Variants in JMJD1C observed in about 807,000 individuals in gnomAD.
The protein encoded by JMJD1C is jumonji domain-containing protein 1C.
A neutral mutation model predicts 245.3 loss-of-function variants in JMJD1C; 31 were observed. That is an observed-to-expected ratio of 0.13 (90% CI 0.09 to 0.17). The LOEUF is 0.17. Ranked by LOEUF, JMJD1C falls within the 10% of genes least tolerant of loss-of-function variation. JMJD1C has a pLI of 1.00. For missense variants in JMJD1C, 2,691 were observed against 3,000.2 expected (o/e 0.90, Z 2.41); for synonymous variants, 1,057 against 1,017.4 (o/e 1.04, Z -0.74).
At chr10:63,305,032 G>C (rs760485073) in intron 2 of JMJD1C, among the ~76,000 whole-genome samples, 1 of 152,138 alleles carries the variant, frequency 6.6e-6, no homozygotes, top group Non-Finnish European at 1.5e-5. Context: ...CCAGTGACTC[G>C]GGAGGCTGAG....
Position 63,321,355 on chromosome 10 carries a change from C to T in JMJD1C, c.334-56591G>A, listed in dbSNP as rs139912187. Reference sequence around the variant, plus strand: ...GCTCAGTCAGAAGTATAGGTGACAACCTACTACTTGCGATTGTCATCTGAA... The same window carrying T: ...GCTCAGTCAGAAGTATAGGTGACAATCTACTACTTGCGATTGTCATCTGAA... On this transcript the variant is annotated intron_variant, in intron 2 of 25. Transcript: ENST00000399262. Among the ~76,000 whole-genome samples the T allele has an allele frequency of 8.3e-3, 1,265 of 152,306 alleles. 6 individuals are homozygous for T. The highest frequency in any genetic ancestry group is 0.044 in the Middle Eastern group (13 of 294).
intron 2 of JMJD1C, among the ~76,000 whole-genome samples, chr10:63,275,936 TA>T (rs1856730184): frequency 6.6e-6 from 1 of 152,168 alleles, no homozygotes; most frequent in Non-Finnish European, 1.5e-5. Flanking sequence ...TTTAACGACT[TA>T]AAAAACAGGC....
rs575565891 is a variant in JMJD1C, at chr10:63,325,640, A to G, written c.333+54678T>C. On this transcript the variant is annotated intron_variant, in intron 2 of 25. Coordinates refer to ENST00000399262, the MANE Select transcript of JMJD1C (RefSeq NM_032776.3). ...AAAAGGAGTAAATACAACTGATTAG[A>G]TATCTAATTACTAAATTCAATTACA... Among the ~76,000 whole-genome samples, 499 of 151,380 alleles carry G rather than the reference A, an allele frequency of 3.3e-3. 1 individual carries two copies. Among genetic ancestry groups the G allele is most frequent in the Non-Finnish European group, 5.6e-3 (380 of 67,406 alleles).
chr10:63,270,369 A>G (rs1486397308), intron 2 of JMJD1C, among the ~76,000 whole-genome samples: 1 of 151,712 alleles, frequency 6.6e-6, no homozygotes, highest in Non-Finnish European at 1.5e-5. Flanking sequence ...GTCTCACCAC[A>G]TTGGCCAGGC....
rs1469528459 is a variant in JMJD1C, at chr10:63,215,533, A to T, written c.822+20T>A. ...AAGGAAAAATATTTTACAGAAATTC[A>T]TCCCTAATAACATACATACGTGAAC... On this transcript the variant is annotated intron_variant, in intron 6 of 25. Coordinates refer to ENST00000399262, the MANE Select transcript of JMJD1C (RefSeq NM_032776.3). 1.2e-6 allele frequency: 2 copies of T among 1,607,630 alleles called. No homozygotes were observed. The highest frequency in any genetic ancestry group is 2.2e-5 in the South Asian group (2 of 90,910).
chr10:63,280,243 T>G (rs1174144103), intron 2 of JMJD1C, among the ~76,000 whole-genome samples: 5 of 151,340 alleles, frequency 3.3e-5, no homozygotes, highest in African/African-American at 1.2e-4. Flanking sequence ...AATAAATATG[T>G]ACGATTATTT....
At chr10:63,219,115 C>A (rs1232751843) in intron 4 of JMJD1C, among the ~76,000 whole-genome samples, 1 of 152,042 alleles carries the variant, frequency 6.6e-6, no homozygotes, top group Non-Finnish European at 1.5e-5. Context: ...GTTTGAAATT[C>A]TCCACAGAAA....
chr10:63,186,944 G>A (rs558230536), intron 18 of JMJD1C, among the ~76,000 whole-genome samples: 1 of 152,142 alleles, frequency 6.6e-6, no homozygotes, highest in South Asian at 2.1e-4. Flanking sequence ...TGTAGTCCCA[G>A]CTCCCAAGGC....
chr10:63,214,406 A>T lies in JMJD1C; in HGVS notation c.1761T>A (p.Asp587Glu), dbSNP rs1847721140. ...SSVTNASSGNDHLNMEKEKYV... is the reference protein window; with the variant it reads ...SSVTNASSGNEHLNMEKEKYV... ...ACTTCTCTTTTTCCATGTTCAAGTG[A>T]TCATTTCCTGAAGAAGCATTTGTAA... The change falls in exon 8 of 26, where the codon GAT (aspartate) becomes GAA (glutamate). Residue 587 changes from aspartate to glutamate, a missense_variant. This residue lies in a region of JMJD1C where 1,562 missense variants were observed against 1,490.7 expected (regional missense o/e 1.05). Transcript: ENST00000399262. 1 of 1,613,794 alleles carries T rather than the reference A, an allele frequency of 6.2e-7. No homozygotes were observed. Among genetic ancestry groups the T allele is most frequent in the Non-Finnish European group, 8.5e-7 (1 of 1,179,990 alleles).
intron 20 of JMJD1C, 125 bp from the exon 21 acceptor site, chr10:63,184,863 C>G (rs1256281244): frequency 1.2e-6 from 1 of 868,020 alleles, no homozygotes. Context: ...AACAATTTTC[C>G]TTGACTCAAG....
At chr10:63,396,687 G>A (rs940827382) in intron 1 of JMJD1C, among the ~76,000 whole-genome samples, 4 of 151,972 alleles carry the variant, frequency 2.6e-5, no homozygotes, top group Non-Finnish European at 4.4e-5. Context: ...AGAAACATTC[G>A]TTTCCAGGGA....
At chr10:63,483,805 CTG>C (rs1230895396) in intron 1 of JMJD1C, among the ~76,000 whole-genome samples, 2 of 152,136 alleles carry the variant, frequency 1.3e-5, no homozygotes, top group Admixed American at 6.6e-5. Context: ...TACATTTTAA[CTG>C]TGATTCATTT....
At chr10:63,300,891 C>CAAAAAAA (rs59953949) in intron 2 of JMJD1C, among the ~76,000 whole-genome samples, 1 of 140,032 alleles carries the variant, frequency 7.1e-6, no homozygotes. Context: ...GACTCTGTCT[C>CAAAAAAA]AAAAAAAAAA....
upstream of JMJD1C, chr10:63,466,151 C>T: frequency 5.3e-6 from 1 of 189,216 alleles, no homozygotes; most frequent in Non-Finnish European, 1.1e-5. Context: ...GCGGCGGCGG[C>T]GGCGGCAGCG....
chr10:63,447,660 T>C (rs529269899), intron 1 of JMJD1C, among the ~76,000 whole-genome samples: 1 of 152,248 alleles, frequency 6.6e-6, no homozygotes, highest in South Asian at 2.1e-4. Context: ...TCTTATTTTC[T>C]ATGGTTTTGT....
intron 1 of JMJD1C, among the ~76,000 whole-genome samples, chr10:63,453,477 CAG>C (rs1229298412): frequency 6.6e-6 from 1 of 152,078 alleles, no homozygotes; most frequent in East Asian, 1.9e-4. Context: ...TGGAATATAA[CAG>C]ATAGTCCACA....
At chr10:63,176,225 AAG>A in intron 24 of JMJD1C, 70 bp downstream of exon 24, 1 of 1,136,428 alleles carries the variant, frequency 8.8e-7, no homozygotes, top group South Asian at 1.8e-5. Context: ...TATCTATACT[AAG>A]AGCAATTTTT....
At position 63,214,789 on chromosome 10, in the gene JMJD1C, T is replaced by C. The variant is rs1189899772; in HGVS notation, c.1378A>G (p.Met460Val). Reference protein sequence around the residue: ...KSVDTQLQEDMIIHSSEQSTV... With the variant: ...KSVDTQLQEDVIIHSSEQSTV... The stretch of plus-strand genomic sequence containing the variant: ...GACTGTTCTGACGAATGAATAATCA[T>C]ATCTTCTTGAAGCTGAGTGTCAACA... Residue 460 changes from methionine to valine, a missense_variant, in exon 8 of 26, where the codon ATG becomes GTG. Met to Val is a conservative substitution (Grantham distance 21, BLOSUM62 1). Transcript: ENST00000399262. 21 of 1,613,662 alleles carry C rather than the reference T, an allele frequency of 1.3e-5. No homozygotes were observed. The highest frequency in any genetic ancestry group is 1.7e-5 in the Non-Finnish European group (20 of 1,179,810).
intron 1 of JMJD1C, among the ~76,000 whole-genome samples, chr10:63,483,804 A>G (rs1257712023): frequency 6.6e-6 from 1 of 152,208 alleles, no homozygotes; most frequent in East Asian, 1.9e-4. Context: ...ATACATTTTA[A>G]CTGTGATTCA....
Sources: gnomAD v4.1 joint callset for allele counts (sites outside exome capture counted in the v4.1 genomes callset) on GRCh38, gnomAD v4.1.1 for gene constraint, gnomAD v4.1.1 regional missense constraint, MANE v1.5 for transcripts, NCBI Gene and HGNC (gene_info 2026-07-23, HGNC 2026-07-21) for gene names.